SH3BP4: variants seen among roughly 807,000 people sequenced by gnomAD.
SH3BP4 encodes the protein SH3 domain binding protein 4.
Under a neutral mutation model 65.5 loss-of-function variants are expected in SH3BP4, and 33 were observed. That is an observed-to-expected ratio of 0.50 (90% CI 0.38 to 0.67). SH3BP4 has a LOEUF of 0.67. Among genes scored for constraint, SH3BP4 ranks in the 30% least tolerant of loss-of-function variants. The pLI is 0.00. For missense variants in SH3BP4, 1,134 were observed against 1,261.4 expected, an observed-to-expected ratio of 0.90 and a Z score of 1.53; for synonymous variants, 552 against 545.5, an observed-to-expected ratio of 1.01 and a Z score of -0.17.
intron 1 of SH3BP4, among the ~76,000 whole-genome samples, chr2:234,993,818 G>A (rs1015713549): frequency 2.0e-5 from 3 of 152,232 alleles, no homozygotes; most frequent in African/African-American, 7.2e-5. Context: ...TGCCTTCTCT[G>A]CCGAGAATGG....
rs539561573 is a variant in SH3BP4 at position 235,002,700 on chromosome 2, T to A, written c.-133+7324T>A. 9.8e-5 allele frequency among the ~76,000 whole-genome samples: 15 copies of A among 152,324 alleles called. No individual in the cohort carries two copies. The South Asian group carries it at 2.9e-3, about 29-fold the overall frequency. On this transcript the variant is annotated intron_variant, in intron 2 of 5. Coordinates refer to ENST00000392011, the MANE Select transcript of SH3BP4 (RefSeq NM_014521.3). ...GTGATCACGCCACTGCACTGCAGCC[T>A]GCATGACAGAGCGAGACCCTGTCTC...
intron 1 of SH3BP4, among the ~76,000 whole-genome samples, chr2:234,963,842 G>A (rs1408338838): frequency 6.6e-6 from 1 of 152,198 alleles, no homozygotes; most frequent in East Asian, 1.9e-4. Context: ...ATGGACTGCA[G>A]TTGGATCTGG....
At chr2:235,028,812 C>A (rs1201836343) in intron 2 of SH3BP4, among the ~76,000 whole-genome samples, 1 of 152,090 alleles carries the variant, frequency 6.6e-6, no homozygotes, top group South Asian at 2.1e-4. Context: ...TAGGCTGGGG[C>A]CTTCTGGGCT....
intron 2 of SH3BP4, among the ~76,000 whole-genome samples, chr2:235,002,202 T>C (rs771025728): frequency 1.3e-5 from 2 of 152,200 alleles, no homozygotes; most frequent in Non-Finnish European, 2.9e-5. Context: ...GGGGCCATCG[T>C]CAGATTTGGC....
chr2:234,996,376 C>T (rs1408156186), intron 2 of SH3BP4, among the ~76,000 whole-genome samples: 1 of 152,200 alleles, frequency 6.6e-6, no homozygotes, highest in Non-Finnish European at 1.5e-5. Flanking sequence ...CTCCCCCCAC[C>T]CTTTCTGTCC....
chr2:235,010,272 A>C (rs972890538), intron 2 of SH3BP4, among the ~76,000 whole-genome samples: 7 of 152,008 alleles, frequency 4.6e-5, no homozygotes, highest in African/African-American at 1.7e-4. Flanking sequence ...GGCCCACCCC[A>C]CTTCATCTCC....
At chr2:234,969,952 GTCTC>G (rs201826479) in intron 1 of SH3BP4, among the ~76,000 whole-genome samples, 1 of 145,526 alleles carries the variant, frequency 6.9e-6, no homozygotes, top group South Asian at 2.2e-4. Context: ...CACACTCCCT[GTCTC>G]TCACACACAC....
chr2:235,053,533 T>G (rs1312301847), intron 5 of SH3BP4, 59 bp from the exon 6 acceptor site: 2 of 1,327,700 alleles, frequency 1.5e-6, no homozygotes, highest in South Asian at 2.4e-5. Context: ...AATCTCGTTC[T>G]GTCTCCTAAT....
intron 1 of SH3BP4, among the ~76,000 whole-genome samples, chr2:234,970,136 C>A (rs920566992): frequency 6.6e-6 from 1 of 152,132 alleles, no homozygotes; most frequent in African/African-American, 2.4e-5. Flanking sequence ...CTTACACACA[C>A]ACTCTCACAC....
chr2:235,036,727 G>T (rs1007843005), intron 3 of SH3BP4, among the ~76,000 whole-genome samples: 1 of 47,268 alleles, frequency 2.1e-5, no homozygotes, highest in African/African-American at 1.6e-4. Context: ...TGCACTCTGA[G>T]ACTCTATATA....
At chr2:234,968,889 T>G (rs994359480) in intron 1 of SH3BP4, among the ~76,000 whole-genome samples, 3 of 152,248 alleles carry the variant, frequency 2.0e-5, no homozygotes, top group African/African-American at 7.2e-5. Context: ...TGGTTTTATT[T>G]TATGCAAACA....
Position 235,019,434 on chromosome 2 carries a change from T to G in SH3BP4, c.-132-15437T>G, listed in dbSNP as rs1401537536. 8.3e-5 allele frequency among the ~76,000 whole-genome samples: 5 copies of G among 60,298 alleles called. 1 individual carries two copies. The highest frequency in any genetic ancestry group is 5.0e-4 in the Admixed American group (2 of 4,000). 39.6% of individuals were successfully genotyped at this position (60,298 alleles called of 152,430 possible). On this transcript the variant is annotated intron_variant, in intron 2 of 5. Transcript: ENST00000392011. ...TGGGCTTGACGGTGGGAAGGGCGAA[T>G]TTTTTTTTTTTTTTTTTTTGAGATG...
At chr2:234,959,649 T>C (rs2106239588) in intron 1 of SH3BP4, among the ~76,000 whole-genome samples, 1 of 127,440 alleles carries the variant, frequency 7.8e-6, no homozygotes, top group East Asian at 2.1e-4. Flanking sequence ...GTAAGAGGAT[T>C]TGACTTTTTT....
intron 2 of SH3BP4, among the ~76,000 whole-genome samples, chr2:235,025,618 A>G (rs1463235449): frequency 3.3e-5 from 5 of 152,250 alleles, no homozygotes; most frequent in Non-Finnish European, 7.3e-5. Flanking sequence ...CTGGAAAATT[A>G]TAAAGACAGA....
At chr2:234,957,160 A>G (rs561046502) in intron 1 of SH3BP4, among the ~76,000 whole-genome samples, 24 of 152,206 alleles carry the variant, frequency 1.6e-4, no homozygotes, top group African/African-American at 5.3e-4. Context: ...AGCTGGGACA[A>G]CAGGCATGTG....
At chr2:235,031,920 G>C (rs550198077) in intron 2 of SH3BP4, among the ~76,000 whole-genome samples, 1 of 152,394 alleles carries the variant, frequency 6.6e-6, no homozygotes, top group African/African-American at 2.4e-5. Context: ...ATGCCTGGAA[G>C]CTTTTGGGAA....
chr2:235,012,508 G>C (rs1694543201), intron 2 of SH3BP4, among the ~76,000 whole-genome samples: 1 of 152,194 alleles, frequency 6.6e-6, no homozygotes, highest in Admixed American at 6.5e-5. Context: ...TGTCTGAGTG[G>C]GGACAATAAC....
At chr2:235,013,246 T>G (rs760076972) in intron 2 of SH3BP4, among the ~76,000 whole-genome samples, 8 of 152,184 alleles carry the variant, frequency 5.3e-5, no homozygotes, top group Non-Finnish European at 1.0e-4. Context: ...CTCCCTGGCC[T>G]GTGTGGTTCG....
chr2:235,038,327 ATATTATATATAGTATATATATTTTAT>A (rs1695485516), intron 3 of SH3BP4, among the ~76,000 whole-genome samples: 1 of 15,132 alleles, frequency 6.6e-5, no homozygotes, highest in African/African-American at 3.5e-4. Flanking sequence ...TATTATATAT[ATATTATATATAGTATATATATTTTAT>A]ATATATATAT....
Sources: gnomAD v4.1 joint callset for allele counts (sites outside exome capture counted in the v4.1 genomes callset) on GRCh38, gnomAD v4.1.1 for gene constraint, MANE v1.5 for transcripts, NCBI Gene and HGNC (gene_info 2026-07-23, HGNC 2026-07-21) for gene names.